IPMK: variants seen among roughly 807,000 people sequenced by gnomAD.
IPMK encodes the protein inositol 1,3,4,6-tetrakisphosphate 5-kinase.
In IPMK, 17 loss-of-function variants were observed where a neutral mutation model predicts 45.8. The observed-to-expected ratio is 0.37, with a 90% confidence interval of 0.25 to 0.56. The LOEUF (loss-of-function observed/expected upper bound fraction) is 0.56. Among genes scored for constraint, IPMK ranks in the 20% least tolerant of loss-of-function variants. IPMK has a pLI of 0.79. For missense variants in IPMK, 399 were observed against 498.0 expected, an observed-to-expected ratio of 0.80 and a Z score of 1.89; for synonymous variants, 180 against 184.3, an observed-to-expected ratio of 0.98 and a Z score of 0.19.
At position 58,252,436 on chromosome 10, in the gene IPMK, GTT is replaced by G. The variant is rs201330209; in HGVS notation, c.191-14624_191-14623del. 1.6e-3 allele frequency among the ~76,000 whole-genome samples: 205 copies of G among 129,984 alleles called. No individual in the cohort carries two copies. The East Asian group carries it at 0.02, about 12-fold the overall frequency. The allele number at this position is 129,984 out of a possible 152,430, so 85.3% of individuals were successfully genotyped here. A position where few individuals can be genotyped will look rare whatever the true frequency, so the allele number is the denominator to read the frequency against. ...GTATTAGAGTATTCTGAATTTGACTGTTTTTTTTTTTTTTTTTAAGGTTTACT... is the reference window on the plus strand; with the variant it reads ...GTATTAGAGTATTCTGAATTTGACTGTTTTTTTTTTTTTTTAAGGTTTACT... On this transcript the variant is annotated intron_variant, in intron 1 of 5. Coordinates refer to ENST00000373935, the MANE Select transcript of IPMK (RefSeq NM_152230.5).
chr10:58,211,919 A>AAAATAAAAAAAAAT (rs1554823049), intron 4 of IPMK, among the ~76,000 whole-genome samples: 9 of 148,284 alleles, frequency 6.1e-5, no homozygotes, highest in African/African-American at 2.4e-4. Flanking sequence ...AAAAAAAAAA[A>AAAATAAAAAAAAAT]AAAAAATTTG....
At chr10:58,256,180 A>G (rs558149609) in intron 1 of IPMK, among the ~76,000 whole-genome samples, 1 of 152,334 alleles carries the variant, frequency 6.6e-6, no homozygotes, top group South Asian at 2.1e-4. Context: ...CTGCGGGGCC[A>G]GGCAGAACAG....
At chr10:58,237,958 T>C in intron 1 of IPMK, 144 bp from the exon 2 acceptor site, 1 of 629,048 alleles carries the variant, frequency 1.6e-6, no homozygotes, top group Non-Finnish European at 2.8e-6. Flanking sequence ...AATTTTAACA[T>C]TCAACCAACA....
At chr10:58,259,786 G>A (rs138212319) in intron 1 of IPMK, among the ~76,000 whole-genome samples, 8 of 152,064 alleles carry the variant, frequency 5.3e-5, no homozygotes, top group East Asian at 1.9e-4. Context: ...GTTGCAGTGA[G>A]CCATGACTGT....
chr10:58,195,033 T>C lies in IPMK; in HGVS notation c.*1043A>G, dbSNP rs897649083. 6.6e-6 allele frequency: 1 copy of C among 152,024 alleles called. No homozygotes were observed. The highest frequency in any genetic ancestry group is 2.4e-5 in the African/African-American group (1 of 41,432). The allele number at this position is 152,024 out of a possible 1,614,324, so 9.4% of individuals were successfully genotyped here. A position where few individuals can be genotyped will look rare whatever the true frequency, so the allele number is the denominator to read the frequency against. ...TATAGATACGCACCAAACCCTATATTACGGACTAATTTACACACAGTATTT... is the reference window on the plus strand; with the variant it reads ...TATAGATACGCACCAAACCCTATATCACGGACTAATTTACACACAGTATTT... On this transcript the variant is annotated 3_prime_UTR_variant, in exon 6 of 6. Transcript: ENST00000373935.
In IPMK at chr10:58,210,330, C is replaced by A. The variant is rs191113900; in HGVS notation, c.546+5815G>T. On this transcript the variant is annotated intron_variant, in intron 4 of 5. Coordinates refer to ENST00000373935, the MANE Select transcript of IPMK (RefSeq NM_152230.5). ...GGGCAGCCTGCATGTGAAACACAGA[C>A]CTGCCCTGGGCCATAAGCTTCCCCA... Among the ~76,000 whole-genome samples the A allele has an allele frequency of 1.1e-4, 17 of 152,284 alleles. No individual in the cohort carries two copies. In the East Asian group the frequency reaches 2.9e-3, roughly 26 times the overall value.
rs1440101710 is a variant in IPMK, at chr10:58,193,747, C to T, written c.*2329G>A. The T allele has an allele frequency of 6.6e-6, 1 of 151,730 alleles. No homozygotes were observed. The highest frequency in any genetic ancestry group is 1.5e-5 in the Non-Finnish European group (1 of 67,726). 9.4% of individuals were successfully genotyped at this position (151,730 alleles called of 1,614,324 possible). A position where few individuals can be genotyped will look rare whatever the true frequency, so the allele number is the denominator to read the frequency against. Reference sequence around the variant, plus strand: ...ATCCGCATTATGCTTATTTCTTAAGCATTTACATGTTCAAATATACTTGGT... The same window carrying T: ...ATCCGCATTATGCTTATTTCTTAAGTATTTACATGTTCAAATATACTTGGT... On this transcript the variant is annotated 3_prime_UTR_variant, in exon 6 of 6. Coordinates refer to ENST00000373935, the MANE Select transcript of IPMK (RefSeq NM_152230.5).
chr10:58,259,840 A>AAAAAACAAAAAG (rs1839036468), intron 1 of IPMK, among the ~76,000 whole-genome samples: 1 of 152,078 alleles, frequency 6.6e-6, no homozygotes, highest in African/African-American at 2.4e-5. Context: ...AACCTGTCTC[A>AAAAAACAAAAAG]AAAAACAAAA....
At chr10:58,245,452 A>G (rs1838783161) in intron 1 of IPMK, among the ~76,000 whole-genome samples, 1 of 151,856 alleles carries the variant, frequency 6.6e-6, no homozygotes, top group African/African-American at 2.4e-5. Flanking sequence ...TCTCTACTGA[A>G]AGCACAAAAA....
chr10:58,200,072 CTTAAA>C (rs1247943952), intron 4 of IPMK, among the ~76,000 whole-genome samples: 3 of 152,140 alleles, frequency 2.0e-5, no homozygotes, highest in South Asian at 2.1e-4. Flanking sequence ...ATCAATTTTA[CTTAAA>C]TTAATCTACA....
In IPMK at chr10:58,211,901, C is replaced by CAAAAAAAAAAAAAAAAAAAAAAAAA. The variant is rs753050298; in HGVS notation, c.546+4243_546+4244insTTTTTTTTTTTTTTTTTTTTTTTTT. Among the ~76,000 whole-genome samples, 295 of 50,340 alleles carry CAAAAAAAAAAAAAAAAAAAAAAAAA rather than the reference C, an allele frequency of 5.9e-3. 17 individuals are homozygous for CAAAAAAAAAAAAAAAAAAAAAAAAA. Among genetic ancestry groups the CAAAAAAAAAAAAAAAAAAAAAAAAA allele is most frequent in the East Asian group, 0.021 (28 of 1,308 alleles). The allele number at this position is 50,340 out of a possible 152,430, so 33.0% of individuals were successfully genotyped here. ...CACTCCAGCCTGGGTGACATCTCAC[C>CAAAAAAAAAAAAAAAAAAAAAAAAA]AAAAAAAAAAAAAAAAAAAAAAAAT... On this transcript the variant is annotated intron_variant, in intron 4 of 5. Transcript: ENST00000373935.
chr10:58,243,264 G>C (rs1425021251), intron 1 of IPMK, among the ~76,000 whole-genome samples: 1 of 152,128 alleles, frequency 6.6e-6, no homozygotes, highest in Non-Finnish European at 1.5e-5. Context: ...GCATACAATA[G>C]AATGTCATTC....
chr10:58,252,771 C>T (rs1410300410), intron 1 of IPMK, among the ~76,000 whole-genome samples: 1 of 151,928 alleles, frequency 6.6e-6, no homozygotes, highest in Non-Finnish European at 1.5e-5. Flanking sequence ...CACCACCCGC[C>T]TGGGTAATTT....
chr10:58,211,234 C>T (rs1425927780), intron 4 of IPMK, among the ~76,000 whole-genome samples: 1 of 151,472 alleles, frequency 6.6e-6, no homozygotes, highest in African/African-American at 2.4e-5. Flanking sequence ...CTCTGTCACC[C>T]AGGCTGGAGT....
chr10:58,235,249 A>C (rs1838592625), intron 2 of IPMK, among the ~76,000 whole-genome samples: 1 of 152,214 alleles, frequency 6.6e-6, no homozygotes, highest in Non-Finnish European at 1.5e-5. Flanking sequence ...CATGTGGAAG[A>C]CAGTGTGGCG....
At chr10:58,257,684 A>G (rs1191008687) in intron 1 of IPMK, among the ~76,000 whole-genome samples, 2 of 152,088 alleles carry the variant, frequency 1.3e-5, no homozygotes, top group Non-Finnish European at 2.9e-5. Context: ...ACCCCTAGAC[A>G]CTTTTTGAAG....
In IPMK at chr10:58,228,914, A is replaced by G. The variant is rs116250694; in HGVS notation, c.277-1775T>C. 5.3e-3 allele frequency among the ~76,000 whole-genome samples: 808 copies of G among 152,326 alleles called. 5 individuals carry two copies. Among genetic ancestry groups the G allele is most frequent in the African/African-American group, 0.019 (777 of 41,576 alleles). On this transcript the variant is annotated intron_variant, in intron 2 of 5. Coordinates refer to ENST00000373935, the MANE Select transcript of IPMK (RefSeq NM_152230.5). ...TCTTCTTAGTTTTGCATGCCTATGA[A>G]ACAAAAGTGTTAACCCAAGCAGTGA...
Position 58,213,087 on chromosome 10 carries a change from C to T in IPMK, c.546+3058G>A, listed in dbSNP as rs149557370. 132 of 153,282 alleles carry T rather than the reference C, an allele frequency of 8.6e-4. 1 individual carries two copies. The highest frequency in any genetic ancestry group is 3.1e-3 in the African/African-American group (129 of 41,550). 9.5% of individuals were successfully genotyped at this position (153,282 alleles called of 1,614,324 possible). A position where few individuals can be genotyped will look rare whatever the true frequency, so the allele number is the denominator to read the frequency against. On this transcript the variant is annotated intron_variant, in intron 4 of 5. Transcript: ENST00000373935. The stretch of plus-strand genomic sequence containing the variant: ...ACAGTGGTGCTAGCTTAGCAGGAGC[C>T]GGGAGCTCTGGGCGATGGTGGTGGA...
At chr10:58,222,297 G>C (rs1262445885) in intron 3 of IPMK, among the ~76,000 whole-genome samples, 1 of 152,134 alleles carries the variant, frequency 6.6e-6, no homozygotes, top group Non-Finnish European at 1.5e-5. Flanking sequence ...ATAATTATGA[G>C]TATTTCACAT....
Sources: gnomAD v4.1 joint callset for allele counts (sites outside exome capture counted in the v4.1 genomes callset) on GRCh38, gnomAD v4.1.1 for gene constraint, MANE v1.5 for transcripts, NCBI Gene and HGNC (gene_info 2026-07-23, HGNC 2026-07-21) for gene names.